Variants in ERC2 observed in about 807,000 individuals in gnomAD.
ERC2 encodes the protein ERC protein 2.
ERC2 carries 42 observed loss-of-function variants against 114.8 expected under a neutral mutation model. That is an observed-to-expected ratio of 0.37 (90% CI 0.29 to 0.47). The LOEUF (loss-of-function observed/expected upper bound fraction) is 0.47. Among genes scored for constraint, ERC2 ranks in the 20% least tolerant of loss-of-function variants. The pLI is 0.99. For missense variants in ERC2, 939 were observed against 1,150.7 expected, an observed-to-expected ratio of 0.82 and a Z score of 2.66; for synonymous variants, 454 against 425.5, an observed-to-expected ratio of 1.07 and a Z score of -0.82.
At chr3:55,712,228 A>T (rs1488974787) in intron 15 of ERC2, among the ~76,000 whole-genome samples, 1 of 152,154 alleles carries the variant, frequency 6.6e-6, no homozygotes, top group Non-Finnish European at 1.5e-5. Context: ...GTTGGGGCTG[A>T]TTTCAGGAAG....
intron 13 of ERC2, among the ~76,000 whole-genome samples, chr3:55,913,666 G>A (rs2064938841): frequency 1.3e-5 from 2 of 152,152 alleles, no homozygotes. Flanking sequence ...TTTTCCAATG[G>A]AGAATTTTGA....
At chr3:55,551,184 A>G (rs2055178911) in intron 17 of ERC2, among the ~76,000 whole-genome samples, 1 of 152,026 alleles carries the variant, frequency 6.6e-6, no homozygotes, top group East Asian at 1.9e-4. Context: ...ATACACACAT[A>G]CATACACACA....
At chr3:56,334,799 ATTTGTTTG>A (rs138266284) in intron 2 of ERC2, among the ~76,000 whole-genome samples, 5,142 of 151,996 alleles carry the variant, frequency 0.034, 120 homozygotes, top group African/African-American at 0.072. Flanking sequence ...AAATCTATTT[ATTTGTTTG>A]TTTGTTTGTT....
At chr3:55,962,692 C>G (rs549771037) in intron 12 of ERC2, among the ~76,000 whole-genome samples, 2 of 152,238 alleles carry the variant, frequency 1.3e-5, no homozygotes, top group African/African-American at 4.8e-5. Flanking sequence ...TTTGTTTACT[C>G]CTTTTACAGA....
chr3:56,247,644 T>G (rs978809040), intron 3 of ERC2, among the ~76,000 whole-genome samples: 3 of 152,242 alleles, frequency 2.0e-5, no homozygotes, highest in Admixed American at 2.0e-4. Flanking sequence ...AATAAAGTGG[T>G]GGGTGGGAAG....
At chr3:55,981,972 G>A (rs137994945) in intron 12 of ERC2, among the ~76,000 whole-genome samples, 20 of 152,338 alleles carry the variant, frequency 1.3e-4, no homozygotes, top group African/African-American at 4.3e-4. Context: ...CACACAGTCA[G>A]TGGGCTCAGG....
At chr3:56,332,235 T>G (rs1264379423) in intron 2 of ERC2, among the ~76,000 whole-genome samples, 1 of 152,226 alleles carries the variant, frequency 6.6e-6, no homozygotes, top group Non-Finnish European at 1.5e-5. Flanking sequence ...GAATTGCTTT[T>G]GCTCCATGAG....
chr3:55,641,266 T>C (rs1178659438), intron 17 of ERC2, among the ~76,000 whole-genome samples: 1 of 152,094 alleles, frequency 6.6e-6, no homozygotes, highest in Non-Finnish European at 1.5e-5. Context: ...AGAGCCAATA[T>C]AGGCCAGGCA....
At chr3:55,927,392 T>G (rs1450926169) in intron 13 of ERC2, among the ~76,000 whole-genome samples, 2 of 152,170 alleles carry the variant, frequency 1.3e-5, no homozygotes. Context: ...CCCACAAAGT[T>G]GCACCATCCT....
intron 13 of ERC2, among the ~76,000 whole-genome samples, chr3:55,900,125 G>A (rs2149342782): frequency 6.6e-6 from 1 of 152,256 alleles, no homozygotes. Flanking sequence ...ATCCGGTGGG[G>A]AGAGCCCAAT....
chr3:56,036,879 C>T (rs2074842095), intron 7 of ERC2, among the ~76,000 whole-genome samples: 1 of 152,152 alleles, frequency 6.6e-6, no homozygotes, highest in South Asian at 2.1e-4. Flanking sequence ...AGGCTGGAGA[C>T]TGCCTAAGAT....
chr3:55,549,492 T>TTTG (rs1315753665), intron 17 of ERC2, among the ~76,000 whole-genome samples: 3 of 151,422 alleles, frequency 2.0e-5, no homozygotes, highest in African/African-American at 7.3e-5. Flanking sequence ...TTTTTTTTTT[T>TTTG]TTTTTCCTGT....
At chr3:56,017,311 G>A (rs374711209) in intron 8 of ERC2, among the ~76,000 whole-genome samples, 4 of 152,250 alleles carry the variant, frequency 2.6e-5, no homozygotes, top group African/African-American at 7.2e-5. Context: ...AACTCATTTA[G>A]CCAGAATGAA....
At chr3:55,996,337 AT>A (rs2071508634) in intron 10 of ERC2, among the ~76,000 whole-genome samples, 3 of 152,204 alleles carry the variant, frequency 2.0e-5, no homozygotes, top group African/African-American at 7.2e-5. Context: ...TACCATGAAT[AT>A]AGCAAGCTCA....
intron 3 of ERC2, among the ~76,000 whole-genome samples, chr3:56,221,839 G>A (rs574297504): frequency 1.8e-4 from 28 of 152,082 alleles, no homozygotes; most frequent in Non-Finnish European, 3.5e-4. Flanking sequence ...AGGAGGCGGA[G>A]TGAGCAGAGA....
chr3:56,103,309 C>T (rs2078460761), intron 6 of ERC2, among the ~76,000 whole-genome samples: 1 of 152,014 alleles, frequency 6.6e-6, no homozygotes, highest in South Asian at 2.1e-4. Flanking sequence ...ATGAACTGGG[C>T]CATGTTATGG....
intron 14 of ERC2, among the ~76,000 whole-genome samples, chr3:55,771,059 G>A (rs913572309): frequency 6.6e-6 from 1 of 152,110 alleles, no homozygotes; most frequent in African/African-American, 2.4e-5. Flanking sequence ...TGGGCATTTG[G>A]GTTGGTTCCA....
intron 6 of ERC2, among the ~76,000 whole-genome samples, chr3:56,092,952 A>G (rs570726500): frequency 8.1e-4 from 124 of 152,338 alleles, no homozygotes; most frequent in Non-Finnish European, 1.4e-3. Flanking sequence ...AAGCTCCAGA[A>G]CTTAAATCAC....
chr3:56,359,711 T>C (rs1443861928), intron 2 of ERC2, among the ~76,000 whole-genome samples: 1 of 152,242 alleles, frequency 6.6e-6, no homozygotes, highest in African/African-American at 2.4e-5. Context: ...TGCCAGCATC[T>C]GCATCTGATG....
Sources: allele counts gnomAD v4.1 joint callset (sites outside exome capture counted in the v4.1 genomes callset), GRCh38; gene constraint gnomAD v4.1.1; transcripts MANE v1.5; gene names NCBI Gene and HGNC (gene_info 2026-07-23, HGNC 2026-07-21).